The following MARK3 variants were observed in gnomAD, a reference collection of about 807,000 sequenced individuals.
The protein encoded by MARK3 is microtubule affinity regulating kinase 3, also known as MAP/microtubule affinity-regulating kinase 3.
A neutral mutation model predicts 90.1 loss-of-function variants in MARK3; 46 were observed. The observed-to-expected ratio is 0.51, with a 90% CI of 0.40 to 0.65. The LOEUF is 0.65. MARK3 is among the 30% of genes least tolerant of loss of function. The pLI, the probability that MARK3 is intolerant of heterozygous loss-of-function variation, is 0.00. For missense variants in MARK3, 818 were observed against 947.2 expected, an observed-to-expected ratio of 0.86 and a Z score of 1.79; for synonymous variants, 321 against 332.6, an observed-to-expected ratio of 0.97 and a Z score of 0.38.
chr14:103,440,044 C>T (rs962112910), intron 3 of MARK3, among the ~76,000 whole-genome samples: 21 of 152,326 alleles, frequency 1.4e-4, no homozygotes, highest in Non-Finnish European at 1.8e-4. Flanking sequence ...CTCAGCTTCC[C>T]AGAGTGCTGG....
intron 13 of MARK3, among the ~76,000 whole-genome samples, chr14:103,477,800 C>T (rs7160366): frequency 0.29 from 44,097 of 151,406 alleles, 7,060 homozygotes; most frequent in Middle Eastern, 0.47. Context: ...AGCCTGGGCA[C>T]CAGAGTGAGA....
chr14:103,498,091 C>T (rs1475471003), intron 15 of MARK3, among the ~76,000 whole-genome samples: 1 of 152,064 alleles, frequency 6.6e-6, no homozygotes, highest in African/African-American at 2.4e-5. Flanking sequence ...GTGGCGCGCG[C>T]CTGTGATTCC....
chr14:103,479,326 C>G (rs113595613), intron 13 of MARK3, among the ~76,000 whole-genome samples: 2 of 152,280 alleles, frequency 1.3e-5, no homozygotes, highest in East Asian at 3.9e-4. Context: ...AGCCTCTGCA[C>G]CTGGCTGTGT....
intron 2 of MARK3, 115 bp downstream of exon 2, chr14:103,405,382 G>A (rs4243738): frequency 0.31 from 242,670 of 775,722 alleles, 41,493 homozygotes; most frequent in East Asian, 0.52. Context: ...ATGGAGTCTC[G>A]CTCTGTCACC....
At chr14:103,411,308 G>C (rs1252092477) in intron 2 of MARK3, among the ~76,000 whole-genome samples, 1 of 152,108 alleles carries the variant, frequency 6.6e-6, no homozygotes, top group East Asian at 1.9e-4. Context: ...AACCAGTTTT[G>C]TATTTTCTTC....
intron 6 of MARK3, among the ~76,000 whole-genome samples, chr14:103,461,856 G>A (rs1282195797): frequency 2.0e-5 from 3 of 152,006 alleles, no homozygotes; most frequent in African/African-American, 7.2e-5. Flanking sequence ...GGCCAACGTG[G>A]TGAAACCCCA....
chr14:103,462,833 C>T (rs2093427445), intron 7 of MARK3, among the ~76,000 whole-genome samples: 1 of 152,142 alleles, frequency 6.6e-6, no homozygotes. Context: ...TGTTTGAGAC[C>T]TCTTTCAAGG....
chr14:103,426,425 C>T (rs1406660694), intron 2 of MARK3, among the ~76,000 whole-genome samples: 2 of 152,110 alleles, frequency 1.3e-5, no homozygotes, highest in Non-Finnish European at 2.9e-5. Context: ...ACTCCAAGCT[C>T]ATTCCCTGGA....
intron 1 of MARK3, among the ~76,000 whole-genome samples, chr14:103,390,226 C>T (rs1012290518): frequency 5.9e-5 from 9 of 152,106 alleles, no homozygotes; most frequent in South Asian, 2.1e-4. Context: ...CCAGCCTGGG[C>T]GACAGAGTGA....
intron 4 of MARK3, among the ~76,000 whole-genome samples, chr14:103,451,106 A>AT (rs969672703): frequency 1.3e-4 from 19 of 151,174 alleles, no homozygotes; most frequent in Admixed American, 7.9e-4. Context: ...AATTTTTGGC[A>AT]TTTTTTTGTA....
intron 1 of MARK3, among the ~76,000 whole-genome samples, chr14:103,391,627 C>T (rs942613492): frequency 6.6e-6 from 1 of 150,848 alleles, no homozygotes; most frequent in African/African-American, 2.4e-5. Flanking sequence ...CACTGCCAAC[C>T]TCTGCCGCCC....
chr14:103,415,150 C>CCAAAA (rs1555376005), intron 2 of MARK3, among the ~76,000 whole-genome samples: 9 of 37,704 alleles, frequency 2.4e-4, no homozygotes, highest in Admixed American at 3.7e-4. Context: ...GACCTTGTCT[C>CCAAAA]AAAAAAAAAA....
intron 15 of MARK3, among the ~76,000 whole-genome samples, chr14:103,494,977 A>T (rs1049348700): frequency 2.6e-5 from 4 of 152,210 alleles, no homozygotes; most frequent in Non-Finnish European, 5.9e-5. Context: ...TTATACATAT[A>T]AATATGTATG....
At chr14:103,390,282 A>G (rs955870991) in intron 1 of MARK3, among the ~76,000 whole-genome samples, 2 of 152,148 alleles carry the variant, frequency 1.3e-5, no homozygotes, top group East Asian at 3.9e-4. Flanking sequence ...ATCGTGTTAT[A>G]GCTCAAAAGA....
chr14:103,465,899 T>C (rs927165938), intron 8 of MARK3, 73 bp from the exon 9 acceptor site: 1 of 1,566,988 alleles, frequency 6.4e-7, no homozygotes, highest in Non-Finnish European at 8.7e-7. Context: ...TTTCAGGGGG[T>C]TTTTTGTTGT....
chr14:103,472,597 A>G (rs1466083857), intron 12 of MARK3, among the ~76,000 whole-genome samples: 8 of 150,628 alleles, frequency 5.3e-5, no homozygotes, highest in Non-Finnish European at 1.2e-4. Context: ...CAGTGAGCCA[A>G]GATCATGCCA....
At chr14:103,395,776 G>A (rs532822039) in intron 1 of MARK3, among the ~76,000 whole-genome samples, 2 of 152,220 alleles carry the variant, frequency 1.3e-5, no homozygotes, top group African/African-American at 4.8e-5. Context: ...TCAGAATTTT[G>A]TTTTCTGTCT....
chr14:103,411,318 C>G lies in MARK3; in HGVS notation c.243+6051C>G, dbSNP rs536370775. Among the ~76,000 whole-genome samples the G allele has an allele frequency of 3.3e-4, 51 of 152,276 alleles. No homozygotes were observed. In the East Asian group the frequency reaches 9.4e-3, roughly 28 times the overall value. On this transcript the variant is annotated intron_variant, in intron 2 of 17. Transcript: ENST00000429436. ...CAAAAAACCAGTTTTGTATTTTCTTCTAATACTCCTCCTATGGCTCACATT... is the reference window on the plus strand; with the variant it reads ...CAAAAAACCAGTTTTGTATTTTCTTGTAATACTCCTCCTATGGCTCACATT...
chr14:103,486,932 T>A (rs930252907), intron 14 of MARK3, among the ~76,000 whole-genome samples: 2 of 124,646 alleles, frequency 1.6e-5, no homozygotes, highest in African/African-American at 6.1e-5. Flanking sequence ...TTATTTATTT[T>A]AATTTGAAAC....
Sources: gnomAD v4.1 joint callset for allele counts (sites outside exome capture counted in the v4.1 genomes callset) on GRCh38, gnomAD v4.1.1 for gene constraint, MANE v1.5 for transcripts, NCBI Gene and HGNC (gene_info 2026-07-23, HGNC 2026-07-21) for gene names.